The following DMRTB1 variants were observed in gnomAD, a reference collection of about 807,000 sequenced individuals.
The protein encoded by DMRTB1 is DMRT like family B with proline rich C-terminal 1.
A neutral mutation model predicts 25.2 loss-of-function variants in DMRTB1; 9 were observed. The ratio of observed to expected loss-of-function variants is 0.36; its 90% CI spans 0.22 to 0.62. The LOEUF (loss-of-function observed/expected upper bound fraction) is 0.62. Ranked by LOEUF, DMRTB1 falls within the 20% of genes least tolerant of loss-of-function variation. DMRTB1 has a pLI of 0.71. For missense variants in DMRTB1, 551 were observed against 499.3 expected (o/e 1.10, Z -0.99); for synonymous variants, 269 against 238.1 (o/e 1.13, Z -1.20).
At chr1:53,461,992 G>A (rs1644025687) in intron 2 of DMRTB1, among the ~76,000 whole-genome samples, 1 of 152,130 alleles carries the variant, frequency 6.6e-6, no homozygotes. Context: ...ACCTTCCTGG[G>A]ACCACAAAAT....
At chr1:53,465,851 T>G (rs1436915557) in intron 3 of DMRTB1, among the ~76,000 whole-genome samples, 1 of 152,226 alleles carries the variant, frequency 6.6e-6, no homozygotes, top group Non-Finnish European at 1.5e-5. Flanking sequence ...TCATCATGTG[T>G]AAAAGGAGAC....
intron 1 of DMRTB1, 198 bp downstream of exon 1, chr1:53,460,228 G>T: frequency 1.4e-6 from 1 of 736,766 alleles, no homozygotes; most frequent in Non-Finnish European, 2.1e-6. Context: ...AAACAGAAAG[G>T]AATGGGCGGT....
At chr1:53,462,730 A>AGCC (rs1371147965) in intron 2 of DMRTB1, among the ~76,000 whole-genome samples, 1 of 152,214 alleles carries the variant, frequency 6.6e-6, no homozygotes, top group Non-Finnish European at 1.5e-5. Context: ...TTGGTGACAG[A>AGCC]GCCGGGTCGT....
intron 2 of DMRTB1, among the ~76,000 whole-genome samples, chr1:53,463,045 G>C (rs1432306262): frequency 1.3e-5 from 2 of 152,194 alleles, no homozygotes; most frequent in Non-Finnish European, 2.9e-5. Context: ...GGTTTATCTG[G>C]GCCTGAGCTG....
At chr1:53,464,118 A>G (rs1040155712) in intron 2 of DMRTB1, among the ~76,000 whole-genome samples, 1 of 152,154 alleles carries the variant, frequency 6.6e-6, no homozygotes, top group Non-Finnish European at 1.5e-5. Flanking sequence ...TTAAGTCACC[A>G]CATGTGCCAG....
chr1:53,464,983 C>A, intron 3 of DMRTB1, 136 bp downstream of exon 3: 2 of 1,188,208 alleles, frequency 1.7e-6, no homozygotes, highest in South Asian at 1.3e-5. Context: ...CTAGAATGAG[C>A]TCCTTCTTAC....
chr1:53,463,141 C>T (rs1644030702), intron 2 of DMRTB1, among the ~76,000 whole-genome samples: 1 of 152,226 alleles, frequency 6.6e-6, no homozygotes, highest in Non-Finnish European at 1.5e-5. Flanking sequence ...ATCCCTCTTC[C>T]ACCCTCTCAA....
chr1:53,461,450 C>G, intron 1 of DMRTB1, 23 bp from the exon 2 acceptor site: 1 of 1,553,046 alleles, frequency 6.4e-7, no homozygotes, highest in Non-Finnish European at 8.7e-7. Context: ...TCTAACACTT[C>G]CCTCCTTGCT....
In DMRTB1 at chr1:53,466,967, G is replaced by A. The variant is rs1644053658; in HGVS notation, c.*305G>A. ...TCCTTGGGTTACACTACCATTTATTGGAACAAGCCCCAGAGGCAGTATTTG... is the reference window on the plus strand; with the variant it reads ...TCCTTGGGTTACACTACCATTTATTAGAACAAGCCCCAGAGGCAGTATTTG... On this transcript the variant is annotated 3_prime_UTR_variant, in exon 4 of 4. Transcript: ENST00000371445. The A allele has an allele frequency of 2.7e-6, 1 of 367,154 alleles. No homozygotes were observed. Among genetic ancestry groups the A allele is most frequent in the East Asian group, 4.6e-5 (1 of 21,884 alleles). The allele number at this position is 367,154 out of a possible 1,614,324, so 22.7% of individuals were successfully genotyped here.
chr1:53,462,129 A>G (rs1393617628), intron 2 of DMRTB1, among the ~76,000 whole-genome samples: 1 of 152,190 alleles, frequency 6.6e-6, no homozygotes, highest in African/African-American at 2.4e-5. Context: ...ACCTTCCCCC[A>G]AACACTTGAC....
In DMRTB1 at chr1:53,466,665, C is replaced by T. The variant is rs1644051933; in HGVS notation, c.*3C>T. 1 of 1,614,102 alleles carries T rather than the reference C, an allele frequency of 6.2e-7. No individual in the cohort carries two copies. The highest frequency in any genetic ancestry group is 2.2e-5 in the East Asian group (1 of 44,876). On this transcript the variant is annotated 3_prime_UTR_variant, in exon 4 of 4. Transcript: ENST00000371445. ...CGTCTCAGGAGCAGTCCGACTAGGC[C>T]CCAGGCCCGCCCTCCTGGCCAGCAG...
chr1:53,466,667 C>G lies in DMRTB1; in HGVS notation c.*5C>G. 1 of 1,614,132 alleles carries G rather than the reference C, an allele frequency of 6.2e-7. No homozygotes were observed. On this transcript the variant is annotated 3_prime_UTR_variant, in exon 4 of 4. Coordinates refer to ENST00000371445, the MANE Select transcript of DMRTB1 (RefSeq NM_033067.3). ...TCTCAGGAGCAGTCCGACTAGGCCC[C>G]AGGCCCGCCCTCCTGGCCAGCAGAG...
Position 53,466,749 on chromosome 1 carries a change from G to C in DMRTB1, c.*87G>C. ...CTTGTCTTCATTCAGTGATATGTAGGGAGGAAGGAGGTTGATAGCATAGAT... is the reference window on the plus strand; with the variant it reads ...CTTGTCTTCATTCAGTGATATGTAGCGAGGAAGGAGGTTGATAGCATAGAT... On this transcript the variant is annotated 3_prime_UTR_variant, in exon 4 of 4. Coordinates refer to ENST00000371445, the MANE Select transcript of DMRTB1 (RefSeq NM_033067.3). The C allele has an allele frequency of 7.4e-7, 1 of 1,353,468 alleles. No individual in the cohort carries two copies. The highest frequency in any genetic ancestry group is 1.0e-6 in the Non-Finnish European group (1 of 955,370). The allele number at this position is 1,353,468 out of a possible 1,614,324, so 83.8% of individuals were successfully genotyped here.
intron 2 of DMRTB1, among the ~76,000 whole-genome samples, chr1:53,463,314 G>A (rs1389284156): frequency 6.6e-6 from 1 of 152,098 alleles, no homozygotes; most frequent in Admixed American, 6.5e-5. Context: ...CTGCTGCTTG[G>A]CTTCCTCTGC....
chr1:53,464,607 C>T (rs1557923412), intron 2 of DMRTB1, 30 bp from the exon 3 acceptor site: 7 of 1,612,226 alleles, frequency 4.3e-6, no homozygotes, highest in Admixed American at 1.7e-5. Flanking sequence ...TCTCTCTCCT[C>T]TCCGCCTCTC....
At chr1:53,461,133 G>C (rs1644019753) in intron 1 of DMRTB1, among the ~76,000 whole-genome samples, 1 of 152,222 alleles carries the variant, frequency 6.6e-6, no homozygotes, top group African/African-American at 2.4e-5. Flanking sequence ...TCAGTGTCCA[G>C]GGCTTGAGCC....
chr1:53,460,915 C>G (rs1005152346), intron 1 of DMRTB1, among the ~76,000 whole-genome samples: 3 of 152,174 alleles, frequency 2.0e-5, no homozygotes, highest in Non-Finnish European at 4.4e-5. Flanking sequence ...AAATCTAGGT[C>G]CCCAGGGAAC....
intron 2 of DMRTB1, among the ~76,000 whole-genome samples, chr1:53,462,906 AAG>A (rs1644029729): frequency 6.6e-6 from 1 of 152,214 alleles, no homozygotes; most frequent in Non-Finnish European, 1.5e-5. Context: ...CCTCCACACA[AAG>A]AGAGGGGCTC....
intron 1 of DMRTB1, chr1:53,460,331 C>T (rs1382304180): frequency 1.4e-5 from 4 of 288,946 alleles, no homozygotes; most frequent in Admixed American, 1.1e-4. Context: ...CTTCCTCCTC[C>T]GGGGGAGGCT....
Sources: allele counts gnomAD v4.1 joint callset (sites outside exome capture counted in the v4.1 genomes callset), GRCh38; gene constraint gnomAD v4.1.1; transcripts MANE v1.5; gene names NCBI Gene and HGNC (gene_info 2026-07-23, HGNC 2026-07-21).